DOCK4: variants seen among roughly 807,000 people sequenced by gnomAD.
The protein encoded by DOCK4 is dedicator of cytokinesis protein 4.
DOCK4 carries 97 observed loss-of-function variants against 268.1 expected under a neutral mutation model. That is an observed-to-expected ratio of 0.36 (90% confidence interval 0.31 to 0.43). DOCK4 has a LOEUF of 0.43. Ranked by LOEUF, DOCK4 falls within the 20% of genes least tolerant of loss-of-function variation. The probability of loss-of-function intolerance (pLI) is 1.00; values close to 1 mark genes in which losing one functional copy is unlikely to be tolerated. For synonymous variants in DOCK4, 954 were observed against 887.2 expected, an observed-to-expected ratio of 1.08 and a Z score of -1.34; for missense variants, 2,145 against 2,455.7, an observed-to-expected ratio of 0.87 and a Z score of 2.67.
chr7:112,060,955 A>G (rs1342596160), intron 1 of DOCK4, among the ~76,000 whole-genome samples: 1 of 152,230 alleles, frequency 6.6e-6, no homozygotes, highest in Non-Finnish European at 1.5e-5. Context: ...TAAGAGGTTC[A>G]GATGGTAAAT....
chr7:111,837,747 A>G (rs1447327207), intron 25 of DOCK4, among the ~76,000 whole-genome samples: 1 of 152,192 alleles, frequency 6.6e-6, no homozygotes, highest in African/African-American at 2.4e-5. Context: ...CTTAAAAAAA[A>G]TGAAGATATT....
chr7:112,043,880 A>G (rs1386267022), intron 1 of DOCK4, among the ~76,000 whole-genome samples: 1 of 152,014 alleles, frequency 6.6e-6, no homozygotes, highest in African/African-American at 2.4e-5. Flanking sequence ...CATCTGAGGT[A>G]GGAAAACTAA....
chr7:112,138,229 G>T (rs995388177), intron 1 of DOCK4, among the ~76,000 whole-genome samples: 1 of 152,032 alleles, frequency 6.6e-6, no homozygotes, highest in African/African-American at 2.4e-5. Flanking sequence ...CCCTTTAGTT[G>T]TGTCACCTTG....
chr7:111,889,085 C>A (rs1181251666), intron 16 of DOCK4, among the ~76,000 whole-genome samples: 1 of 152,122 alleles, frequency 6.6e-6, no homozygotes, highest in African/African-American at 2.4e-5. Context: ...ACTTAACTAT[C>A]CCTAAGTGCT....
intron 12 of DOCK4, among the ~76,000 whole-genome samples, chr7:111,922,579 C>T (rs1462484531): frequency 6.6e-6 from 1 of 151,884 alleles, no homozygotes; most frequent in Non-Finnish European, 1.5e-5. Context: ...TTCTTTCCTT[C>T]TGGGTTCAGT....
chr7:112,074,499 T>A (rs191156362), intron 1 of DOCK4, among the ~76,000 whole-genome samples: 1 of 152,168 alleles, frequency 6.6e-6, no homozygotes, highest in Non-Finnish European at 1.5e-5. Flanking sequence ...GCAAACCTCA[T>A]TTCTGCTTTG....
intron 5 of DOCK4, among the ~76,000 whole-genome samples, chr7:111,991,473 C>A (rs951966540): frequency 1.3e-5 from 2 of 151,938 alleles, no homozygotes; most frequent in Non-Finnish European, 2.9e-5. Flanking sequence ...TGGAATAAAA[C>A]AATATCAAGA....
intron 1 of DOCK4, among the ~76,000 whole-genome samples, chr7:112,154,937 C>T (rs76579540): frequency 6.6e-6 from 1 of 152,264 alleles, no homozygotes; most frequent in Non-Finnish European, 1.5e-5. Context: ...AAGAGAGGAT[C>T]AAGGAAACAA....
chr7:111,775,026 C>T (rs1461241684), intron 36 of DOCK4, among the ~76,000 whole-genome samples: 1 of 152,094 alleles, frequency 6.6e-6, no homozygotes, highest in Non-Finnish European at 1.5e-5. Flanking sequence ...CAGAGGCAGA[C>T]AGGTGAGAAA....
chr7:111,762,368 C>A (rs1441253698), intron 39 of DOCK4, among the ~76,000 whole-genome samples: 1 of 152,158 alleles, frequency 6.6e-6, no homozygotes, highest in African/African-American at 2.4e-5. Flanking sequence ...TTAGCAGTTA[C>A]TTCCTATTTT....
intron 1 of DOCK4, among the ~76,000 whole-genome samples, chr7:112,093,549 C>T (rs1196389927): frequency 6.6e-6 from 1 of 152,110 alleles, no homozygotes; most frequent in Non-Finnish European, 1.5e-5. Context: ...AGAAGCAAGG[C>T]TGCTTTCCCT....
chr7:112,004,735 T>A (rs1800713264), intron 1 of DOCK4, among the ~76,000 whole-genome samples: 1 of 152,186 alleles, frequency 6.6e-6, no homozygotes, highest in African/African-American at 2.4e-5. Flanking sequence ...TATTTAGTAA[T>A]GACTGGGCCC....
intron 27 of DOCK4, among the ~76,000 whole-genome samples, chr7:111,814,962 T>G (rs928453443): frequency 6.6e-6 from 1 of 152,244 alleles, no homozygotes; most frequent in Non-Finnish European, 1.5e-5. Context: ...TTTCATTAAC[T>G]GTCCAATTTT....
chr7:112,148,992 C>T (rs142771957), intron 1 of DOCK4, among the ~76,000 whole-genome samples: 179 of 152,276 alleles, frequency 1.2e-3, no homozygotes, highest in African/African-American at 3.8e-3. Context: ...CCACTGAGCA[C>T]GCTGCTCCCT....
chr7:111,953,265 CCATTCTACA>C (rs1374554614), intron 8 of DOCK4, among the ~76,000 whole-genome samples: 2 of 151,666 alleles, frequency 1.3e-5, no homozygotes, highest in African/African-American at 4.9e-5. Flanking sequence ...CAATTAATAC[CCATTCTACA>C]CTGAGTAGGT....
intron 1 of DOCK4, among the ~76,000 whole-genome samples, chr7:112,197,849 G>GACTCACTTTCT (rs1206766319): frequency 2.0e-5 from 3 of 151,386 alleles, no homozygotes; most frequent in Non-Finnish European, 2.9e-5. Flanking sequence ...TTTTGGTGCA[G>GACTCACTTTCT]ACTCACTTTC....
chr7:112,203,575 G>A (rs757196), intron 1 of DOCK4, among the ~76,000 whole-genome samples: 118,528 of 152,008 alleles, frequency 0.78, 46,421 homozygotes, highest in Middle Eastern at 0.84. Context: ...ATACTAAAAC[G>A]TCACATATTC....
At chr7:111,848,628 C>T (rs1804297135) in intron 23 of DOCK4, among the ~76,000 whole-genome samples, 1 of 152,134 alleles carries the variant, frequency 6.6e-6, no homozygotes, top group Non-Finnish European at 1.5e-5. Flanking sequence ...CTTCCTAAAG[C>T]TGAATCGATG....
chr7:112,069,857 G>A (rs943836076), intron 1 of DOCK4, among the ~76,000 whole-genome samples: 2 of 152,172 alleles, frequency 1.3e-5, no homozygotes, highest in African/African-American at 2.4e-5. Context: ...GCTAGAAATT[G>A]TCAAACAGGC....
Sources: allele counts gnomAD v4.1 joint callset (sites outside exome capture counted in the v4.1 genomes callset), GRCh38; gene constraint gnomAD v4.1.1; transcripts MANE v1.5; gene names NCBI Gene and HGNC (gene_info 2026-07-23, HGNC 2026-07-21).